GDPD2: variants seen among roughly 807,000 people sequenced by gnomAD.
GDPD2 encodes glycerophosphodiester phosphodiesterase domain containing 2, also known as glycerophosphodiester phosphodiesterase 3.
GDPD2 carries 23 observed loss-of-function variants against 49.2 expected under a neutral mutation model. The observed-to-expected ratio is 0.47, with a 90% CI of 0.34 to 0.66. The LOEUF is 0.66. Ranked by LOEUF, GDPD2 falls within the 30% of genes least tolerant of loss-of-function variation. The probability of loss-of-function intolerance (pLI) is 0.01; values close to 1 mark genes in which losing one functional copy is unlikely to be tolerated. For missense variants in GDPD2, 338 were observed against 424.7 expected (o/e 0.80, Z 1.79); for synonymous variants, 167 against 171.4 (o/e 0.97, Z 0.20).
At position 70,433,278 on chromosome X, in the gene GDPD2, C is replaced by T; in HGVS notation, c.*192C>T. On this transcript the variant is annotated 3_prime_UTR_variant, in exon 16 of 16. Transcript: ENST00000374382. ...TCCCTAAGCTGCTATGGAATCTGCT[C>T]CCTTTGGGGTTTTGACCTGAGATGT... 1 of 431,679 alleles carries T rather than the reference C, an allele frequency of 2.3e-6. No homozygotes were observed. The highest frequency in any genetic ancestry group is 4.0e-6 in the Non-Finnish European group (1 of 247,478). 35.6% of individuals were successfully genotyped at this position (431,679 alleles called of 1,213,427 possible).
chrX:70,426,131 G>A lies in GDPD2; in HGVS notation c.363+20G>A, dbSNP rs1428360446. The A allele has an allele frequency of 2.6e-6, 3 of 1,149,898 alleles. No homozygotes were observed. Among genetic ancestry groups the A allele is most frequent in the Non-Finnish European group, 3.6e-6 (3 of 838,711 alleles). The allele number at this position is 1,149,898 out of a possible 1,213,427, so 94.8% of individuals were successfully genotyped here. A position where few individuals can be genotyped will look rare whatever the true frequency, so the allele number is the denominator to read the frequency against. On this transcript the variant is annotated intron_variant, in intron 5 of 15. Transcript: ENST00000374382. ...CACAAGGTACAGTAGGGATGGGAGT[G>A]CATGGGAGAGGGGGCCACTGGGCTC...
At chrX:70,431,861 A>G (rs946942177) in intron 12 of GDPD2, among the ~76,000 whole-genome samples, 2 of 112,413 alleles carry the variant, frequency 1.8e-5, no homozygotes, top group African/African-American at 6.5e-5. Flanking sequence ...TGTCTCAAAA[A>G]AAAAAAGGCT....
intron 5 of GDPD2, 126 bp downstream of exon 5, chrX:70,426,237 G>C: frequency 1.3e-6 from 1 of 788,719 alleles, no homozygotes; most frequent in Non-Finnish European, 1.9e-6. Context: ...CCCAGTAAGT[G>C]TTGAGTGAAA....
In GDPD2 at chrX:70,429,848, C is replaced by T; in HGVS notation, c.1159-67C>T. 3 of 1,158,553 alleles carry T rather than the reference C, an allele frequency of 2.6e-6. No individual in the cohort carries two copies. The South Asian group carries it at 5.4e-5, about 21-fold the overall frequency. ...CCCATTCTGTGGTCAAAACTGTTTG[C>T]CCCTGTCCCTGCCCTTGGAATCCCT... On this transcript the variant is annotated intron_variant, in intron 11 of 15. Coordinates refer to ENST00000374382, the MANE Select transcript of GDPD2 (RefSeq NM_017711.4).
At chrX:70,430,909 C>A in intron 12 of GDPD2, 1 of 415,321 alleles carries the variant, frequency 2.4e-6, no homozygotes, top group Non-Finnish European at 4.1e-6. Context: ...CTCAAGTGAT[C>A]CTGAGTAGCT....
At chrX:70,428,804 AGT>A (rs1196117731) in intron 10 of GDPD2, among the ~76,000 whole-genome samples, 1 of 112,253 alleles carries the variant, frequency 8.9e-6, no homozygotes, top group Admixed American at 9.5e-5. Flanking sequence ...CCTGGCACAT[AGT>A]AAGTACTTAA....
intron 14 of GDPD2, 125 bp downstream of exon 14, chrX:70,432,786 G>A: frequency 1.4e-6 from 1 of 728,261 alleles, no homozygotes; most frequent in East Asian, 3.2e-5. Context: ...GAGATTCTTA[G>A]GCCCTTCCTT....
chrX:70,429,804 C>T (rs1003373180), intron 11 of GDPD2, 90 bp downstream of exon 11: 3 of 1,065,583 alleles, frequency 2.8e-6, no homozygotes, highest in Middle Eastern at 2.5e-4. Flanking sequence ...CCCCCAGGGC[C>T]CTGCCCCAGC....
At chrX:70,428,070 A>G (rs2147753352) in intron 10 of GDPD2, among the ~76,000 whole-genome samples, 1 of 100,404 alleles carries the variant, frequency 1.0e-5, no homozygotes, top group South Asian at 5.2e-4. Context: ...TCCCTCTGAA[A>G]TATTCACTGT....
chrX:70,432,900 T>C lies in GDPD2; in HGVS notation c.1539-12T>C. 2.5e-6 allele frequency: 3 copies of C among 1,182,316 alleles called. No homozygotes were observed. Among genetic ancestry groups the C allele is most frequent in the Non-Finnish European group, 3.5e-6 (3 of 868,833 alleles). On this transcript the variant is annotated splice_polypyrimidine_tract_variant and intron_variant, in intron 14 of 15. Coordinates refer to ENST00000374382, the MANE Select transcript of GDPD2 (RefSeq NM_017711.4). ...TAGCTGAACTCATAATGGGAAGCTT[T>C]TCTCCCCACAGAAGATTTGTTAAGA...
chrX:70,431,161 G>C (rs771590495), intron 12 of GDPD2: 7 of 1,076,229 alleles, frequency 6.5e-6, no homozygotes, highest in Non-Finnish European at 7.5e-6. Flanking sequence ...TCACCAAAGA[G>C]GAAGACATGA....
intron 10 of GDPD2, 103 bp from the exon 11 acceptor site, chrX:70,429,390 A>G: frequency 1.1e-5 from 6 of 536,317 alleles, no homozygotes; most frequent in African/African-American, 2.3e-5. Context: ...TCAGAGGTGG[A>G]AAGAAGCTGG....
Position 70,432,301 on chromosome X carries a change from T to G in GDPD2, c.1308-6T>G, listed in dbSNP as rs752863135. 7 of 1,202,849 alleles carry G rather than the reference T, an allele frequency of 5.8e-6. No homozygotes were observed. In the South Asian group the frequency reaches 1.1e-4, roughly 18 times the overall value. ...ACATTCCCTATTTTCTTTCCCACCT[T>G]CACAGGGCATTGCATAAGGATAATG... On this transcript the variant is annotated splice_polypyrimidine_tract_variant and splice_region_variant and intron_variant, in intron 12 of 15. Coordinates refer to ENST00000374382, the MANE Select transcript of GDPD2 (RefSeq NM_017711.4).
chrX:70,427,134 C>T lies in GDPD2; in HGVS notation c.703-3C>T. 2.5e-6 allele frequency: 3 copies of T among 1,202,034 alleles called. No homozygotes were observed. The highest frequency in any genetic ancestry group is 3.4e-6 in the Non-Finnish European group (3 of 886,728). On this transcript the variant is annotated splice_polypyrimidine_tract_variant and splice_region_variant and intron_variant, in intron 8 of 15. Coordinates refer to ENST00000374382, the MANE Select transcript of GDPD2 (RefSeq NM_017711.4). ...CTACCTCATCACCTATTCCCTTTCCCAGCTGGCTCCCGAGAACACCCTGAT... is the reference window on the plus strand; with the variant it reads ...CTACCTCATCACCTATTCCCTTTCCTAGCTGGCTCCCGAGAACACCCTGAT...
At position 70,433,054 on chromosome X, in the gene GDPD2, C is replaced by G; in HGVS notation, c.1588C>G (p.Leu530Val). Residue 530 changes from leucine (L) to valine (V), a missense_variant, in exon 16 of 16, where the codon CTG (leucine) becomes GTG (valine). By Grantham distance (32) the Leu-to-Val change is conservative. Coordinates refer to ENST00000374382, the MANE Select transcript of GDPD2 (RefSeq NM_017711.4). ...GKTGLETAVL[L>V]TRINNFMME is the part of the protein sequence containing the mutation. ...CCCAGGCTTAGAAACAGCAGTGCTG[C>G]TGACAAGGATCAACAATTTCATGAT... is the stretch of plus-strand genomic sequence containing the variant. The G allele has an allele frequency of 8.3e-7, 1 of 1,204,729 alleles. No homozygotes were observed. Among genetic ancestry groups the G allele is most frequent in the Non-Finnish European group, 1.1e-6 (1 of 889,865 alleles).
At chrX:70,428,380 G>C (rs2086446052) in intron 10 of GDPD2, among the ~76,000 whole-genome samples, 1 of 111,801 alleles carries the variant, frequency 8.9e-6, no homozygotes, top group African/African-American at 3.3e-5. Flanking sequence ...GTTAAGCTAG[G>C]ATATTCAGTA....
chrX:70,424,156 G>A (rs900924207), intron 1 of GDPD2, among the ~76,000 whole-genome samples: 17 of 111,286 alleles, frequency 1.5e-4, no homozygotes, highest in Non-Finnish European at 2.8e-4. Context: ...TTTGCCCTGC[G>A]TTTGTTGTAC....
chrX:70,425,271 C>A (rs2086410433), intron 2 of GDPD2, 83 bp from the exon 3 acceptor site: 1 of 731,864 alleles, frequency 1.4e-6, no homozygotes, highest in Non-Finnish European at 2.2e-6. Context: ...ACGGGGCAGG[C>A]AGCTCCCTTT....
chrX:70,430,019 G>A lies in GDPD2; in HGVS notation c.1263G>A (p.Gln421=), dbSNP rs1266449753. The change falls in exon 12 of 16, where the codon CAG becomes CAA. Residue 421 remains glutamine, a synonymous_variant. Transcript: ENST00000374382. ...RQGGNRTERP[Q]FLNLPYQDLP... ...GAGGCAACAGAACGGAGAGGCCCCAGTTTCTTAACCTCCCCTATCAAGATC... is the reference window on the plus strand; with the variant it reads ...GAGGCAACAGAACGGAGAGGCCCCAATTTCTTAACCTCCCCTATCAAGATC... 1 of 1,208,836 alleles carries A rather than the reference G, an allele frequency of 8.3e-7. No individual in the cohort carries two copies. Among genetic ancestry groups the A allele is most frequent in the Non-Finnish European group, 1.1e-6 (1 of 894,273 alleles).
Sources: allele counts gnomAD v4.1 joint callset (sites outside exome capture counted in the v4.1 genomes callset), GRCh38; gene constraint gnomAD v4.1.1; transcripts MANE v1.5; gene names NCBI Gene and HGNC (gene_info 2026-07-23, HGNC 2026-07-21).